Variants in COMMD1 observed in about 807,000 individuals in gnomAD.
COMMD1 encodes COMM domain-containing protein 1.
Under a neutral mutation model 17.2 loss-of-function variants are expected in COMMD1, and 10 were observed. The ratio of observed to expected loss-of-function variants is 0.58; its 90% CI spans 0.36 to 0.99. The LOEUF (loss-of-function observed/expected upper bound fraction) is 0.99. Among genes scored for constraint, COMMD1 ranks in the 50% least tolerant of loss-of-function variants. The pLI, the probability that COMMD1 is intolerant of heterozygous loss-of-function variation, is 0.01. For synonymous variants in COMMD1, 97 were observed against 91.6 expected, an observed-to-expected ratio of 1.06 and a Z score of -0.34; for missense variants, 270 against 231.8, an observed-to-expected ratio of 1.17 and a Z score of -1.07.
At chr2:62,067,445 A>G (rs1466709785) in intron 2 of COMMD1, among the ~76,000 whole-genome samples, 1 of 152,184 alleles carries the variant, frequency 6.6e-6, no homozygotes, top group Non-Finnish European at 1.5e-5. Flanking sequence ...CAAGCCCCAT[A>G]GAGTTGTATG....
intron 2 of COMMD1, among the ~76,000 whole-genome samples, chr2:62,004,260 C>CA (rs1223922170): frequency 6.6e-6 from 1 of 152,138 alleles, no homozygotes; most frequent in Non-Finnish European, 1.5e-5. Flanking sequence ...AAGAAATAGT[C>CA]ACAATGAAAA....
chr2:62,032,108 T>C (rs1669923727), intron 2 of COMMD1, among the ~76,000 whole-genome samples: 1 of 152,246 alleles, frequency 6.6e-6, no homozygotes, highest in Non-Finnish European at 1.5e-5. Context: ...GTTATATATC[T>C]TGTACTGAAC....
chr2:62,089,420 G>A (rs1671762077), intron 2 of COMMD1, among the ~76,000 whole-genome samples: 1 of 151,956 alleles, frequency 6.6e-6, no homozygotes, highest in African/African-American at 2.4e-5. Context: ...CGAGTAGCTG[G>A]GATTACAAGC....
At chr2:62,016,280 C>T (rs1669446413) in intron 2 of COMMD1, among the ~76,000 whole-genome samples, 1 of 145,482 alleles carries the variant, frequency 6.9e-6, no homozygotes, top group Admixed American at 7.0e-5. Flanking sequence ...ACAATCTCGG[C>T]TCACTGCAAC....
intron 2 of COMMD1, among the ~76,000 whole-genome samples, chr2:62,116,882 C>T (rs1487607142): frequency 1.3e-5 from 2 of 151,048 alleles, no homozygotes; most frequent in Middle Eastern, 3.2e-3. Flanking sequence ...GTAATCCCAG[C>T]TACTCAGAAG....
chr2:62,050,299 T>C (rs935675904), intron 2 of COMMD1, among the ~76,000 whole-genome samples: 7 of 152,234 alleles, frequency 4.6e-5, no homozygotes, highest in Admixed American at 4.6e-4. Flanking sequence ...TGTAATTTCA[T>C]TTTTTAATTA....
intron 2 of COMMD1, among the ~76,000 whole-genome samples, chr2:62,003,173 C>T (rs1172451898): frequency 6.6e-6 from 1 of 151,512 alleles, no homozygotes; most frequent in Non-Finnish European, 1.5e-5. Flanking sequence ...GCAGAGGTTG[C>T]TGTCAGCCGA....
At chr2:62,087,528 C>T (rs1249832452) in intron 2 of COMMD1, among the ~76,000 whole-genome samples, 2 of 152,192 alleles carry the variant, frequency 1.3e-5, no homozygotes, top group South Asian at 2.1e-4. Flanking sequence ...GGTGGATCAC[C>T]TGAGGTCAGG....
intron 2 of COMMD1, among the ~76,000 whole-genome samples, chr2:62,013,867 G>A (rs1021249099): frequency 6.6e-6 from 1 of 152,108 alleles, no homozygotes; most frequent in Non-Finnish European, 1.5e-5. Flanking sequence ...CTTCCACTTG[G>A]GGAAAAATAT....
chr2:62,117,237 A>G (rs1672633540), intron 2 of COMMD1, among the ~76,000 whole-genome samples: 1 of 152,084 alleles, frequency 6.6e-6, no homozygotes, highest in Non-Finnish European at 1.5e-5. Flanking sequence ...GCCCCATCAC[A>G]CTACTACATT....
At chr2:61,902,515 AAAAAG>A (rs1043509550), upstream of COMMD1, among the ~76,000 whole-genome samples, 1 of 152,030 alleles carries the variant, frequency 6.6e-6, no homozygotes, top group African/African-American at 2.4e-5. Context: ...CACCTTAAAA[AAAAAG>A]AAAAGAAATC....
intron 2 of COMMD1, among the ~76,000 whole-genome samples, chr2:62,027,659 G>GTTA (rs1553381179): frequency 0.051 from 2,238 of 43,530 alleles, 47 homozygotes; most frequent in East Asian, 0.16. Flanking sequence ...ATGTTATGTT[G>GTTA]TGTTATGTTA....
intron 1 of COMMD1, among the ~76,000 whole-genome samples, chr2:61,994,743 A>G (rs1040745939): frequency 3.3e-5 from 5 of 151,994 alleles, no homozygotes; most frequent in South Asian, 2.1e-4. Flanking sequence ...ACTTCATTCT[A>G]TTTTCTTGCA....
chr2:62,060,783 G>A (rs553681725), intron 2 of COMMD1, among the ~76,000 whole-genome samples: 1 of 152,196 alleles, frequency 6.6e-6, no homozygotes, highest in South Asian at 2.1e-4. Context: ...TTTGTTGTTT[G>A]TCTTCAGCAA....
chr2:62,041,975 C>T (rs114854674), intron 2 of COMMD1, among the ~76,000 whole-genome samples: 2,727 of 152,320 alleles, frequency 0.018, 54 homozygotes, highest in African/African-American at 0.04. Context: ...CAGCGGCTTG[C>T]CGCTGCTGGC....
intron 2 of COMMD1, among the ~76,000 whole-genome samples, chr2:62,023,770 C>A (rs1326002278): frequency 6.6e-6 from 1 of 152,138 alleles, no homozygotes; most frequent in East Asian, 1.9e-4. Context: ...CAGGCATGAG[C>A]CACGGCGCTT....
intron 1 of COMMD1, among the ~76,000 whole-genome samples, chr2:61,894,558 G>A (rs965554249): frequency 6.6e-6 from 1 of 151,420 alleles, no homozygotes; most frequent in Non-Finnish European, 1.5e-5. Flanking sequence ...ACGTAAATGT[G>A]GACTAGAAAC....
chr2:62,058,401 T>C (rs755106914), intron 2 of COMMD1, among the ~76,000 whole-genome samples: 9 of 152,216 alleles, frequency 5.9e-5, no homozygotes, highest in Non-Finnish European at 1.2e-4. Flanking sequence ...TTGTTTTGTT[T>C]TGAGACAAGG....
intron 1 of COMMD1, among the ~76,000 whole-genome samples, chr2:61,990,021 A>G (rs748728876): frequency 3.9e-5 from 6 of 152,248 alleles, no homozygotes; most frequent in East Asian, 1.9e-4. Context: ...TTAGATCTAC[A>G]TCGAAGCCTG....
Sources: gnomAD v4.1 joint callset for allele counts (sites outside exome capture counted in the v4.1 genomes callset) on GRCh38, gnomAD v4.1.1 for gene constraint, MANE v1.5 for transcripts, NCBI Gene and HGNC (gene_info 2026-07-23, HGNC 2026-07-21) for gene names.